Variants in C12orf76 observed in about 807,000 individuals in gnomAD.
C12orf76 encodes chromosome 12 open reading frame 76, also known as uncharacterized protein C12orf76.
C12orf76 carries 6 observed loss-of-function variants against 6.8 expected under a neutral mutation model. The ratio of observed to expected loss-of-function variants is 0.88; its 90% CI spans 0.48 to 1.73. C12orf76 has a LOEUF of 1.73. Ranked by LOEUF, C12orf76 falls within the 40% of genes most tolerant of loss-of-function variation. C12orf76 has a pLI of 0.01. For missense variants in C12orf76, 99 were observed against 98.2 expected (o/e 1.01, Z -0.03); for synonymous variants, 56 against 43.7 (o/e 1.28, Z -1.11).
chr12:110,047,011 TTTAG>T (rs1194477281), intron 1 of C12orf76, among the ~76,000 whole-genome samples: 1 of 152,112 alleles, frequency 6.6e-6, no homozygotes, highest in East Asian at 1.9e-4. Flanking sequence ...GTGGAAACTA[TTTAG>T]TAGAGTGCTA....
chr12:110,055,067 G>A (rs981891326), intron 4 of C12orf76, among the ~76,000 whole-genome samples: 2 of 152,204 alleles, frequency 1.3e-5, no homozygotes, highest in African/African-American at 4.8e-5. Context: ...TGTTAAATTG[G>A]ATGATGGTAT....
At chr12:110,062,788 ATTTTTTTTTTTTT>A (rs71079597) in intron 2 of C12orf76, among the ~76,000 whole-genome samples, 23 of 63,392 alleles carry the variant, frequency 3.6e-4, no homozygotes, top group Admixed American at 3.4e-3. Context: ...CCCAGCTAAT[ATTTTTTTTTTTTT>A]TTTTTTTTTT....
At chr12:110,072,823 G>C (rs545905217) in intron 1 of C12orf76, among the ~76,000 whole-genome samples, 1 of 151,702 alleles carries the variant, frequency 6.6e-6, no homozygotes, top group South Asian at 2.1e-4. Context: ...ACTTGGTGGC[G>C]GGGGAGGATA....
At chr12:110,042,785 T>A (rs1892347791) in intron 1 of C12orf76, among the ~76,000 whole-genome samples, 1 of 151,716 alleles carries the variant, frequency 6.6e-6, no homozygotes, top group African/African-American at 2.4e-5. Flanking sequence ...AGGCCGAGTG[T>A]GGTGGCTCGT....
At chr12:110,059,317 A>C in intron 2 of C12orf76, 1 of 997,990 alleles carries the variant, frequency 1.0e-6, no homozygotes, top group South Asian at 2.0e-5. Flanking sequence ...TCTGTGATTA[A>C]AGATAGTTTT....
chr12:110,058,937 C>T, intron 3 of C12orf76: 1 of 1,476,154 alleles, frequency 6.8e-7, no homozygotes, highest in Non-Finnish European at 9.0e-7. Context: ...CTCCCCCCCA[C>T]CAAAAAAATG....
At chr12:110,055,940 T>A (rs1892658759) in intron 4 of C12orf76, among the ~76,000 whole-genome samples, 1 of 152,140 alleles carries the variant, frequency 6.6e-6, no homozygotes, top group East Asian at 1.9e-4. Flanking sequence ...TCCAGCTGCA[T>A]GACTCCTAAA....
chr12:110,063,601 T>TA (rs1491336683), intron 2 of C12orf76, among the ~76,000 whole-genome samples: 10 of 139,206 alleles, frequency 7.2e-5, no homozygotes, highest in Middle Eastern at 3.4e-3. Context: ...GGGATTTTTA[T>TA]TTTTATTTAT....
At chr12:110,044,166 G>A (rs1262222810) in intron 1 of C12orf76, 1 of 152,236 alleles carries the variant, frequency 6.6e-6, no homozygotes, top group African/African-American at 2.4e-5. Flanking sequence ...GTACACTGAT[G>A]TGTGTCTGTA....
At chr12:110,063,860 T>C (rs1892817539) in intron 2 of C12orf76, among the ~76,000 whole-genome samples, 1 of 151,738 alleles carries the variant, frequency 6.6e-6, no homozygotes, top group Non-Finnish European at 1.5e-5. Context: ...TGAGCCAAGA[T>C]CACGCCACTG....
upstream of C12orf76, chr12:110,050,574 G>T (rs1027051107): frequency 1.2e-5 from 2 of 173,688 alleles, no homozygotes; most frequent in Admixed American, 5.5e-5. Context: ...GTGACCTCTG[G>T]TCGTCCTCAC....
upstream of C12orf76, among the ~76,000 whole-genome samples, chr12:110,051,542 T>G (rs1265579397): frequency 6.6e-6 from 1 of 152,024 alleles, no homozygotes; most frequent in Non-Finnish European, 1.5e-5. Context: ...TTCTCCTGCC[T>G]CAGCATTCTG....
upstream of C12orf76, among the ~76,000 whole-genome samples, chr12:110,068,304 GAA>G (rs1566080205): frequency 4.1e-5 from 6 of 146,708 alleles, no homozygotes; most frequent in African/African-American, 1.5e-4. Context: ...AGAAGAAGAA[GAA>G]GAAGAAGAAG....
intron 2 of C12orf76, among the ~76,000 whole-genome samples, chr12:110,060,971 G>T (rs1381782330): frequency 6.6e-6 from 1 of 151,500 alleles, no homozygotes; most frequent in Non-Finnish European, 1.5e-5. Context: ...GGAGGCGGAG[G>T]ATGCAGTGAG....
upstream of C12orf76, among the ~76,000 whole-genome samples, chr12:110,052,907 T>C (rs1000111177): frequency 6.6e-6 from 1 of 152,174 alleles, no homozygotes; most frequent in Non-Finnish European, 1.5e-5. Context: ...CCTATATATT[T>C]GTTAAAAGTT....
rs1892451237 is a variant in C12orf76, at chr12:110,046,484, A to G, written c.133+1879T>C. ...TGTCTAGGACAGCATTTCTCAAACT[A>G]TCTATGGCAAAGGAGTAGTTTTTAT... On this transcript the variant is annotated intron_variant, in intron 1 of 1. Coordinates refer to ENST00000615315, the MANE Select transcript of C12orf76 (RefSeq NM_001389625.1). Among the ~76,000 whole-genome samples, 3 of 152,198 alleles carry G rather than the reference A, an allele frequency of 2.0e-5. No homozygotes were observed. The South Asian group carries it at 6.2e-4, about 32-fold the overall frequency.
At chr12:110,044,927 C>A (rs1892410106) in intron 1 of C12orf76, among the ~76,000 whole-genome samples, 1 of 152,094 alleles carries the variant, frequency 6.6e-6, no homozygotes, top group South Asian at 2.1e-4. Context: ...GAGCCAAGAT[C>A]ACGCCACTGC....
At position 110,042,460 on chromosome 12, in the gene C12orf76, C is replaced by T; in HGVS notation, c.134-1G>A. The T allele has an allele frequency of 6.2e-7, 1 of 1,605,152 alleles. No individual in the cohort carries two copies. Among genetic ancestry groups the T allele is most frequent in the Non-Finnish European group, 8.5e-7 (1 of 1,171,786 alleles). ...ATGCTGAAAATGGTTCCCATCAACA[C>T]TGCAAAGGGAAAACAGGTTACTTCC... On this transcript the variant is annotated splice_acceptor_variant, in intron 1 of 1. Coordinates refer to ENST00000615315, the MANE Select transcript of C12orf76 (RefSeq NM_001389625.1). LOFTEE classifies it high-confidence loss of function.
rs181910179 is a variant in C12orf76, at chr12:110,046,611, T to C, written c.133+1752A>G. On this transcript the variant is annotated intron_variant, in intron 1 of 1. Transcript: ENST00000615315. ...ATTCCAGTTCAGAGACACCTAGAAC[T>C]GGTCTCTAAGTGCTTGGATGTTGCA... Among the ~76,000 whole-genome samples, 44 of 152,312 alleles carry C rather than the reference T, an allele frequency of 2.9e-4. No individual in the cohort carries two copies. The East Asian group carries it at 6.7e-3, about 23-fold the overall frequency.
Sources: allele counts gnomAD v4.1 joint callset (sites outside exome capture counted in the v4.1 genomes callset), GRCh38; gene constraint gnomAD v4.1.1; transcripts MANE v1.5; gene names NCBI Gene and HGNC (gene_info 2026-07-23, HGNC 2026-07-21).